MRAS: variants seen among roughly 807,000 people sequenced by gnomAD.
The protein encoded by MRAS is ras-related protein M-Ras.
A neutral mutation model predicts 20.9 loss-of-function variants in MRAS; 4 were observed. The observed-to-expected ratio is 0.19, with a 90% CI of 0.09 to 0.44. The LOEUF is 0.44. Among genes scored for constraint, MRAS ranks in the 20% least tolerant of loss-of-function variants. MRAS has a pLI of 0.99. For missense variants in MRAS, 154 were observed against 277.5 expected, an observed-to-expected ratio of 0.56 and a Z score of 3.16; for synonymous variants, 98 against 102.9, an observed-to-expected ratio of 0.95 and a Z score of 0.29.
intron 2 of MRAS, among the ~76,000 whole-genome samples, chr3:138,373,285 G>A (rs564218260): frequency 9.2e-5 from 14 of 152,220 alleles, no homozygotes; most frequent in Non-Finnish European, 1.8e-4. Flanking sequence ...ACCAAAATGT[G>A]CATTCAGCAA....
chr3:138,398,400 A>T (rs1031004510), intron 3 of MRAS, 69 bp from the exon 4 acceptor site: 1 of 1,324,078 alleles, frequency 7.6e-7, no homozygotes, highest in African/African-American at 1.4e-5. Context: ...TGAGATGTGA[A>T]TGTGCCACCT....
chr3:138,401,166 G>A (rs187053610), intron 5 of MRAS, among the ~76,000 whole-genome samples: 3 of 152,296 alleles, frequency 2.0e-5, no homozygotes, highest in Admixed American at 6.5e-5. Flanking sequence ...GGGTCAAGAC[G>A]TTAATCACCT....
At chr3:138,386,702 C>T (rs1227519756) in intron 2 of MRAS, among the ~76,000 whole-genome samples, 1 of 152,160 alleles carries the variant, frequency 6.6e-6, no homozygotes, top group African/African-American at 2.4e-5. Flanking sequence ...AGGCTGGTCT[C>T]AAACTCCTGA....
intron 1 of MRAS, among the ~76,000 whole-genome samples, chr3:138,354,457 G>A (rs1016535387): frequency 6.6e-6 from 1 of 152,168 alleles, no homozygotes; most frequent in African/African-American, 2.4e-5. Flanking sequence ...TCATGTATTG[G>A]CTCTCTCTTG....
intron 1 of MRAS, among the ~76,000 whole-genome samples, chr3:138,355,748 T>C (rs2054318112): frequency 6.6e-6 from 1 of 152,172 alleles, no homozygotes; most frequent in South Asian, 2.1e-4. Context: ...CTGGCCAACA[T>C]GGTGAAACTC....
intron 2 of MRAS, among the ~76,000 whole-genome samples, chr3:138,396,740 G>A (rs955950166): frequency 1.3e-5 from 2 of 152,086 alleles, no homozygotes; most frequent in Non-Finnish European, 2.9e-5. Flanking sequence ...GTGAGGGGCC[G>A]CTCCTCCCCC....
intron 2 of MRAS, among the ~76,000 whole-genome samples, chr3:138,387,758 G>A (rs1032077685): frequency 1.3e-5 from 2 of 152,142 alleles, no homozygotes; most frequent in African/African-American, 4.8e-5. Context: ...GAGCAGCATT[G>A]AGGGTTCTAG....
intron 1 of MRAS, among the ~76,000 whole-genome samples, chr3:138,364,609 G>C (rs2054522797): frequency 6.6e-6 from 1 of 152,148 alleles, no homozygotes; most frequent in African/African-American, 2.4e-5. Context: ...CTGAGGCTGG[G>C]GCACGGACCC....
chr3:138,347,954 C>T (rs901987145), upstream of MRAS: 10 of 151,990 alleles, frequency 6.6e-5, no homozygotes, highest in African/African-American at 2.2e-4. Flanking sequence ...ATTTTTTTAA[C>T]GGGGGGAAAA....
chr3:138,374,145 T>C (rs1436919600), intron 2 of MRAS, among the ~76,000 whole-genome samples: 1 of 151,950 alleles, frequency 6.6e-6, no homozygotes, highest in African/African-American at 2.4e-5. Context: ...GTATTTTTAG[T>C]AGAGACGGGG....
At chr3:138,389,663 C>T (rs1230371420) in intron 2 of MRAS, among the ~76,000 whole-genome samples, 1 of 151,698 alleles carries the variant, frequency 6.6e-6, no homozygotes, top group African/African-American at 2.4e-5. Flanking sequence ...GAAATAGGAA[C>T]ACCCTTCTTC....
In MRAS at chr3:138,402,316, G is replaced by A. The variant is rs368680471; in HGVS notation, c.*47G>A. 1.8e-5 allele frequency: 27 copies of A among 1,522,160 alleles called. No homozygotes were observed. Among genetic ancestry groups the A allele is most frequent in the Admixed American group, 3.4e-5 (2 of 58,734 alleles). The allele number at this position is 1,522,160 out of a possible 1,614,324, so 94.3% of individuals were successfully genotyped here. ...AGTGACGGTGGCCTGGCCAGCCCTC[G>A]GGACCCCTCCCCACCTAACTGCACT... On this transcript the variant is annotated 3_prime_UTR_variant, in exon 6 of 6. Coordinates refer to ENST00000423968, the MANE Select transcript of MRAS (RefSeq NM_001085049.3).
chr3:138,400,256 T>C (rs1452524155), intron 4 of MRAS: 1 of 344,764 alleles, frequency 2.9e-6, no homozygotes, highest in East Asian at 5.7e-5. Flanking sequence ...TCTTTCATCT[T>C]CAAGTATATA....
intron 2 of MRAS, among the ~76,000 whole-genome samples, chr3:138,396,566 G>A (rs944664393): frequency 3.9e-5 from 6 of 152,374 alleles, no homozygotes; most frequent in South Asian, 2.1e-4. Flanking sequence ...CCTGCCTACC[G>A]AGCTTGTGGC....
intron 2 of MRAS, among the ~76,000 whole-genome samples, chr3:138,395,096 A>T (rs1275918073): frequency 6.6e-6 from 1 of 151,504 alleles, no homozygotes; most frequent in Non-Finnish European, 1.5e-5. Flanking sequence ...GCTGGAGTGC[A>T]GTGGCGCTAT....
rs549957185 is a variant in MRAS at position 138,403,958 on chromosome 3, G to C, written c.*1689G>C. On this transcript the variant is annotated 3_prime_UTR_variant, in exon 6 of 6. Transcript: ENST00000423968. ...ACCAGCACTGAGGGGCCCAGCTGGA[G>C]AATGATTCTGCTACAAAAGGAGACA... 1 of 152,320 alleles carries C rather than the reference G, an allele frequency of 6.6e-6. No individual in the cohort carries two copies. The highest frequency in any genetic ancestry group is 1.5e-5 in the Non-Finnish European group (1 of 68,030). The allele number at this position is 152,320 out of a possible 1,614,324, so 9.4% of individuals were successfully genotyped here. A position where few individuals can be genotyped will look rare whatever the true frequency, so the allele number is the denominator to read the frequency against.
chr3:138,399,680 A>C (rs2055318454), intron 4 of MRAS, among the ~76,000 whole-genome samples: 1 of 152,252 alleles, frequency 6.6e-6, no homozygotes, highest in African/African-American at 2.4e-5. Flanking sequence ...CAGTCTAATC[A>C]CACTCAGCTT....
At chr3:138,377,527 C>T (rs2054809771) in intron 2 of MRAS, among the ~76,000 whole-genome samples, 1 of 152,216 alleles carries the variant, frequency 6.6e-6, no homozygotes, top group South Asian at 2.1e-4. Flanking sequence ...TTGCCTGAAC[C>T]CAGGAGGCGG....
rs1325530693 is a variant in MRAS at position 138,399,625 on chromosome 3, T to C, written c.448-909T>C. Among the ~76,000 whole-genome samples the C allele has an allele frequency of 2.0e-5, 3 of 152,248 alleles. No homozygotes were observed. The East Asian group carries it at 5.8e-4, about 29-fold the overall frequency. On this transcript the variant is annotated intron_variant, in intron 4 of 5. Transcript: ENST00000423968. ...TTCCAGCATATTATAATGAAAGGCA[T>C]TAATTTTGTAATCAGAAAAACTTAT...
Sources: gnomAD v4.1 joint callset for allele counts (sites outside exome capture counted in the v4.1 genomes callset) on GRCh38, gnomAD v4.1.1 for gene constraint, MANE v1.5 for transcripts, NCBI Gene and HGNC (gene_info 2026-07-23, HGNC 2026-07-21) for gene names.